Variants in DRC4 observed in about 807,000 individuals in gnomAD.
DRC4 encodes the protein dynein regulatory complex subunit 4.
the DRC4 span, chr16:90,042,565 G>A: frequency 1.2e-4 from 187 of 1,593,186 alleles, no homozygotes; most frequent in Non-Finnish European, 1.5e-4. Flanking sequence ...TCCCTCAGGG[G>A]CACCCCCTCG....
chr16:90,044,324 A>G, the DRC4 span: 3 of 416,940 alleles, frequency 7.2e-6, no homozygotes, highest in South Asian at 5.1e-5. Context: ...GTCCTCGTAG[A>G]GTCTATTGCT....
the DRC4 span, chr16:90,037,758 C>G: frequency 1.9e-6 from 3 of 1,613,578 alleles, no homozygotes; most frequent in Admixed American, 3.3e-5. Context: ...TGTTTTTCCT[C>G]CAGTGCACAA....
the DRC4 span, among the ~76,000 whole-genome samples, chr16:90,041,378 G>T: frequency 1.3e-5 from 2 of 152,338 alleles, no homozygotes; most frequent in East Asian, 3.9e-4. Flanking sequence ...AGCAGGGACG[G>T]CTCTAAAGCC....
the DRC4 span, chr16:90,020,123 A>C: frequency 1.7e-6 from 1 of 599,048 alleles, no homozygotes; most frequent in Non-Finnish European, 3.0e-6. Flanking sequence ...GGTCATTTTG[A>C]AGCAAATTAT....
At chr16:90,030,897 C>T in the DRC4 span, among the ~76,000 whole-genome samples, 4 of 152,038 alleles carry the variant, frequency 2.6e-5, no homozygotes, top group East Asian at 1.9e-4. Flanking sequence ...GGGTTGCAGG[C>T]GAGAGCCACC....
At chr16:90,034,051 C>T in the DRC4 span, among the ~76,000 whole-genome samples, 4 of 151,916 alleles carry the variant, frequency 2.6e-5, no homozygotes. Context: ...GGACTTTGAC[C>T]CTGGTGGAGT....
the DRC4 span, chr16:90,035,696 C>G: frequency 6.2e-7 from 1 of 1,614,146 alleles, no homozygotes; most frequent in African/African-American, 1.3e-5. Flanking sequence ...AGGTCAGTTT[C>G]CCGTGTGCTC....
chr16:90,020,642 C>G, the DRC4 span, among the ~76,000 whole-genome samples: 7 of 152,230 alleles, frequency 4.6e-5, no homozygotes, highest in Admixed American at 2.6e-4. Flanking sequence ...AAGAACAGGT[C>G]GCAGTGGGCC....
the DRC4 span, chr16:90,037,861 A>G: frequency 6.2e-7 from 1 of 1,611,542 alleles, no homozygotes; most frequent in African/African-American, 1.3e-5. Flanking sequence ...GAGTGGCACC[A>G]CGCTGGCCCT....
chr16:90,029,163 TACGGG>T, the DRC4 span: 183 of 1,355,976 alleles, frequency 1.3e-4, 1 homozygote, highest in East Asian at 6.5e-3. Flanking sequence ...CGGGGCAGGC[TACGGG>T]GCAGCTTACG....
At chr16:90,040,371 G>C in the DRC4 span, 2 of 1,609,958 alleles carry the variant, frequency 1.2e-6, no homozygotes, top group Non-Finnish European at 1.7e-6. Flanking sequence ...AGAAGACAGG[G>C]TTCAAGAACC....
At chr16:90,037,761 G>T in the DRC4 span, 2 of 1,613,936 alleles carry the variant, frequency 1.2e-6, no homozygotes, top group Non-Finnish European at 1.7e-6. Flanking sequence ...TTTTCCTCCA[G>T]TGCACAAAAG....
the DRC4 span, chr16:90,043,222 T>C: frequency 1.2e-6 from 2 of 1,613,502 alleles, no homozygotes; most frequent in Non-Finnish European, 1.7e-6. Flanking sequence ...TGCGCACGTA[T>C]GAGGCAAAGC....
the DRC4 span, chr16:90,035,561 A>C: frequency 6.2e-7 from 1 of 1,602,548 alleles, no homozygotes; most frequent in African/African-American, 1.3e-5. Context: ...CATGAGGAAC[A>C]GGGTCAGCCT....
At chr16:90,032,948 A>G in the DRC4 span, 1 of 1,600,432 alleles carries the variant, frequency 6.2e-7, no homozygotes. Context: ...GGGCACCTGG[A>G]GGCTGACAGG....
chr16:90,035,534 A>G, the DRC4 span: 27 of 1,495,186 alleles, frequency 1.8e-5, no homozygotes, highest in East Asian at 6.1e-4. Flanking sequence ...GTTAGGGAAT[A>G]TGGAGGTGAC....
the DRC4 span, chr16:90,043,502 G>A: frequency 7.8e-6 from 6 of 766,898 alleles, no homozygotes; most frequent in Admixed American, 2.8e-5. Flanking sequence ...GCTCTGTGGA[G>A]GAGAACCACC....
At chr16:90,040,105 C>A in the DRC4 span, 2 of 617,898 alleles carry the variant, frequency 3.2e-6, no homozygotes, top group Admixed American at 5.2e-5. Flanking sequence ...CTCCTGCCTT[C>A]CACTGCGTGG....
chr16:90,041,225 G>C, the DRC4 span, among the ~76,000 whole-genome samples: 2 of 152,242 alleles, frequency 1.3e-5, no homozygotes, highest in Admixed American at 6.5e-5. Flanking sequence ...GGAGGATGGA[G>C]CTAAATGTGG....
Sources: allele counts gnomAD v4.1 joint callset (sites outside exome capture counted in the v4.1 genomes callset), GRCh38; gene constraint gnomAD v4.1.1; transcripts MANE v1.5; gene names NCBI Gene and HGNC (gene_info 2026-07-23, HGNC 2026-07-21).